Variants in TFAP2E observed in about 807,000 individuals in gnomAD.
TFAP2E encodes the protein transcription factor AP-2-epsilon.
TFAP2E carries 30 observed loss-of-function variants against 37.9 expected under a neutral mutation model. The observed-to-expected ratio is 0.79, with a 90% CI of 0.59 to 1.07. The LOEUF (loss-of-function observed/expected upper bound fraction) is 1.07. Among genes scored for constraint, TFAP2E ranks in the 50% least tolerant of loss-of-function variants. The pLI, the probability that TFAP2E is intolerant of heterozygous loss-of-function variation, is 0.00. For synonymous variants in TFAP2E, 318 were observed against 295.8 expected (o/e 1.08, Z -0.77); for missense variants, 567 against 637.9 (o/e 0.89, Z 1.20).
chr1:35,585,262 G>A (rs1269078275), intron 3 of TFAP2E, among the ~76,000 whole-genome samples: 2 of 152,168 alleles, frequency 1.3e-5, no homozygotes, highest in African/African-American at 4.8e-5. Flanking sequence ...TTGAATCATT[G>A]CCAATGCTTA....
In TFAP2E at chr1:35,573,489, T is replaced by C. The variant is rs1557430800; in HGVS notation, c.-89T>C. The C allele has an allele frequency of 7.2e-7, 1 of 1,391,436 alleles. No homozygotes were observed. The highest frequency in any genetic ancestry group is 9.3e-7 in the Non-Finnish European group (1 of 1,075,074). The allele number at this position is 1,391,436 out of a possible 1,614,324, so 86.2% of individuals were successfully genotyped here. A position where few individuals can be genotyped will look rare whatever the true frequency, so the allele number is the denominator to read the frequency against. On this transcript the variant is annotated 5_prime_UTR_variant, in exon 1 of 7. Coordinates refer to ENST00000373235, the MANE Select transcript of TFAP2E (RefSeq NM_178548.4). This position sits in a 1 kb window ranked among gnomAD's most constrained non-coding sequence, Gnocchi z 5.9. ...ACCGCACCGTGACCTCCGCGGGCTGTGCCGGCTCCCGGCGCCTCTGCCCGC... is the reference window on the plus strand; with the variant it reads ...ACCGCACCGTGACCTCCGCGGGCTGCGCCGGCTCCCGGCGCCTCTGCCCGC...
chr1:35,589,962 G>A lies in TFAP2E; in HGVS notation c.818G>A (p.Arg273Gln), dbSNP rs568797333. Residue 273 changes from arginine to glutamine, a missense_variant, in exon 5 of 7, where the codon CGG (arginine) becomes CAG (glutamine). By Grantham distance (43) the Arg-to-Gln change is conservative. This residue lies in a region of TFAP2E where 252 missense variants were observed against 302.6 expected (regional missense o/e 0.83). Transcript: ENST00000373235. ...AKSKNGGRCL[R>Q]ERLEKIGLNL... Reference sequence around the variant, plus strand: ...TCCAAAAATGGGGGCCGGTGTTTGCGGGAACGGTTAGAGAAGATTGGGCTC... The same window carrying A: ...TCCAAAAATGGGGGCCGGTGTTTGCAGGAACGGTTAGAGAAGATTGGGCTC... The A allele has an allele frequency of 4.2e-5, 68 of 1,614,042 alleles. 1 individual carries two copies. The Admixed American group carries it at 7.2e-4, about 17-fold the overall frequency.
intron 3 of TFAP2E, among the ~76,000 whole-genome samples, chr1:35,575,567 G>A (rs1014821613): frequency 1.3e-4 from 20 of 152,184 alleles, no homozygotes; most frequent in African/African-American, 4.6e-4. Flanking sequence ...ACCTGCTCCT[G>A]GGTGTCTGTG....
chr1:35,591,860 G>T (rs1349740200), intron 6 of TFAP2E, among the ~76,000 whole-genome samples: 1 of 152,012 alleles, frequency 6.6e-6, no homozygotes, highest in Admixed American at 6.5e-5. Flanking sequence ...CTAATTTTTG[G>T]TATTTTAAGT....
At chr1:35,591,377 T>C (rs1034883222) in intron 6 of TFAP2E, among the ~76,000 whole-genome samples, 2 of 152,008 alleles carry the variant, frequency 1.3e-5, no homozygotes, top group Non-Finnish European at 2.9e-5. Flanking sequence ...GGTCTGAGGC[T>C]CCCTCTTCTA....
At chr1:35,589,188 C>G (rs77269054) in intron 4 of TFAP2E, among the ~76,000 whole-genome samples, 56 of 125,930 alleles carry the variant, frequency 4.4e-4, no homozygotes, top group African/African-American at 1.3e-3. Context: ...GTGTCCTGCT[C>G]TGTGTGTGTG....
Position 35,577,533 on chromosome 1 carries a change from C to T in TFAP2E, c.562+2533C>T, listed in dbSNP as rs76107486. ...GTCGCTCTTTGGCCACCTGAAGCGT[C>T]GGATCCCTACAGTGCCTCCCAGCCT... On this transcript the variant is annotated intron_variant, in intron 3 of 6. Coordinates refer to ENST00000373235, the MANE Select transcript of TFAP2E (RefSeq NM_178548.4). This position sits in a 1 kb window ranked among gnomAD's most constrained non-coding sequence, Gnocchi z 6.3. 4.5e-6 allele frequency: 2 copies of T among 449,400 alleles called. No individual in the cohort carries two copies. The highest frequency in any genetic ancestry group is 4.5e-6 in the Non-Finnish European group (1 of 222,156). The allele number at this position is 449,400 out of a possible 1,614,324, so 27.8% of individuals were successfully genotyped here.
At chr1:35,575,075 C>G in intron 3 of TFAP2E, 75 bp downstream of exon 3, 1 of 1,582,414 alleles carries the variant, frequency 6.3e-7, no homozygotes, top group Non-Finnish European at 8.7e-7. Flanking sequence ...TTTTCTTCAC[C>G]GGCCGTGCCT....
At position 35,589,803 on chromosome 1, in the gene TFAP2E, C is replaced by T; in HGVS notation, c.786-127C>T. The T allele has an allele frequency of 8.4e-6, 8 of 947,660 alleles. No homozygotes were observed. The South Asian group carries it at 1.1e-4, about 13-fold the overall frequency. 58.7% of individuals were successfully genotyped at this position (947,660 alleles called of 1,614,324 possible). A position where few individuals can be genotyped will look rare whatever the true frequency, so the allele number is the denominator to read the frequency against. On this transcript the variant is annotated intron_variant, in intron 4 of 6. Coordinates refer to ENST00000373235, the MANE Select transcript of TFAP2E (RefSeq NM_178548.4). Reference sequence around the variant, plus strand: ...TTGCTGAAAGAGACCTCAGAGCATCCCCAGGACCAATCCCAAACCTCAACA... The same window carrying T: ...TTGCTGAAAGAGACCTCAGAGCATCTCCAGGACCAATCCCAAACCTCAACA...
chr1:35,579,396 CA>C (rs879878085), intron 3 of TFAP2E, among the ~76,000 whole-genome samples: 375 of 139,298 alleles, frequency 2.7e-3, no homozygotes, highest in Middle Eastern at 3.7e-3. Flanking sequence ...AACTCTGTCT[CA>C]AAAAAAAAAA....
intron 2 of TFAP2E, 151 bp from the exon 3 acceptor site, chr1:35,574,798 C>A: frequency 1.0e-6 from 1 of 985,126 alleles, no homozygotes; most frequent in Non-Finnish European, 1.6e-6. Flanking sequence ...AGTGCCTGGA[C>A]ATAGCGATTC....
At chr1:35,580,599 A>G (rs1357381576) in intron 3 of TFAP2E, among the ~76,000 whole-genome samples, 1 of 152,020 alleles carries the variant, frequency 6.6e-6, no homozygotes, top group Non-Finnish European at 1.5e-5. Context: ...TCTCTACTAA[A>G]AAAACAAAAA....
chr1:35,574,736 A>C (rs1292725664), intron 2 of TFAP2E: 1 of 673,440 alleles, frequency 1.5e-6, no homozygotes, highest in Non-Finnish European at 2.6e-6. Flanking sequence ...CCAGTGTAAG[A>C]TTCAAAATTC....
chr1:35,590,072 A>G lies in TFAP2E; in HGVS notation c.904+24A>G. 1 of 1,608,364 alleles carries G rather than the reference A, an allele frequency of 6.2e-7. No homozygotes were observed. The highest frequency in any genetic ancestry group is 8.5e-7 in the Non-Finnish European group (1 of 1,175,268). ...AGGTGAGTGAGGCCTGAAGGTGGGC[A>G]TGGGAGTGGATGTGAGGGCAAGTGA... On this transcript the variant is annotated intron_variant, in intron 5 of 6. Coordinates refer to ENST00000373235, the MANE Select transcript of TFAP2E (RefSeq NM_178548.4). The surrounding 1 kb of genome is among the most constrained non-coding windows in gnomAD (Gnocchi z 6.2).
Position 35,590,589 on chromosome 1 carries a change from G to A in TFAP2E, c.905-45G>A. 7.0e-7 allele frequency: 1 copy of A among 1,419,236 alleles called. No individual in the cohort carries two copies. The highest frequency in any genetic ancestry group is 9.3e-7 in the Non-Finnish European group (1 of 1,075,828). 87.9% of individuals were successfully genotyped at this position (1,419,236 alleles called of 1,614,324 possible). A position where few individuals can be genotyped will look rare whatever the true frequency, so the allele number is the denominator to read the frequency against. On this transcript the variant is annotated intron_variant, in intron 5 of 6. Transcript: ENST00000373235. The surrounding 1 kb of genome is among the most constrained non-coding windows in gnomAD (Gnocchi z 6.2). ...TCAGAGGTTCAAAGCTGTGTTCCAG[G>A]CGCAGAGGTACACCCTGCAGTAGTG...
chr1:35,590,624 CT>C lies in TFAP2E; in HGVS notation c.905-9del. 1.4e-6 allele frequency: 2 copies of C among 1,460,664 alleles called. No individual in the cohort carries two copies. The highest frequency in any genetic ancestry group is 1.5e-5 in the South Asian group (1 of 67,218). The allele number at this position is 1,460,664 out of a possible 1,614,324, so 90.5% of individuals were successfully genotyped here. ...ACACCCTGCAGTAGTGACAGCTCCC[CT>C]CCCCCCAGGAGAGGCCGTGCACCTG... On this transcript the variant is annotated splice_polypyrimidine_tract_variant and intron_variant, in intron 5 of 6. Coordinates refer to ENST00000373235, the MANE Select transcript of TFAP2E (RefSeq NM_178548.4). The surrounding 1 kb of genome is among the most constrained non-coding windows in gnomAD (Gnocchi z 6.2).
chr1:35,590,814 A>G lies in TFAP2E; in HGVS notation c.1046+39A>G, dbSNP rs772498094. 14 of 1,364,072 alleles carry G rather than the reference A, an allele frequency of 1.0e-5. No homozygotes were observed. Among genetic ancestry groups the G allele is most frequent in the Admixed American group, 6.1e-5 (2 of 32,870 alleles). 84.5% of individuals were successfully genotyped at this position (1,364,072 alleles called of 1,614,324 possible). A position where few individuals can be genotyped will look rare whatever the true frequency, so the allele number is the denominator to read the frequency against. On this transcript the variant is annotated intron_variant, in intron 6 of 6. Coordinates refer to ENST00000373235, the MANE Select transcript of TFAP2E (RefSeq NM_178548.4). This position sits in a 1 kb window ranked among gnomAD's most constrained non-coding sequence, Gnocchi z 6.2. ...CCCTGCACAGGCACACGTGGGTGCC[A>G]TGCACAGACAGACATCATGTATGGG...
chr1:35,587,499 G>T (rs1022731162), intron 3 of TFAP2E, among the ~76,000 whole-genome samples: 2 of 151,866 alleles, frequency 1.3e-5, no homozygotes, highest in Admixed American at 1.3e-4. Flanking sequence ...TTAGCCAGGC[G>T]TGGTGGTGGG....
In TFAP2E at chr1:35,574,759, G is replaced by A. The variant is rs1014699264; in HGVS notation, c.511-190G>A. On this transcript the variant is annotated intron_variant, in intron 2 of 6. Transcript: ENST00000373235. ...AGATTCAAAATTCCCTTTTTGCACTGCACAGTGAGATGCCCAGGGCTCCAG... is the reference window on the plus strand; with the variant it reads ...AGATTCAAAATTCCCTTTTTGCACTACACAGTGAGATGCCCAGGGCTCCAG... The A allele has an allele frequency of 8.0e-6, 6 of 748,440 alleles. No homozygotes were observed. The Admixed American group carries it at 1.3e-4, about 16-fold the overall frequency. The allele number at this position is 748,440 out of a possible 1,614,324, so 46.4% of individuals were successfully genotyped here.
Sources: gnomAD v4.1 joint callset for allele counts (sites outside exome capture counted in the v4.1 genomes callset) on GRCh38, gnomAD v4.1.1 for gene constraint, gnomAD v4.1.1 regional missense constraint, Gnocchi (gnomAD v3.1) non-coding constraint, MANE v1.5 for transcripts, NCBI Gene and HGNC (gene_info 2026-07-23, HGNC 2026-07-21) for gene names.